The following TMEM242 variants were observed in gnomAD, a reference collection of about 807,000 sequenced individuals.
TMEM242 encodes UPF0463 transmembrane protein C6orf35.
Under a neutral mutation model 18.2 loss-of-function variants are expected in TMEM242, and 10 were observed. That is an observed-to-expected ratio of 0.55 (90% CI 0.34 to 0.93). The LOEUF (loss-of-function observed/expected upper bound fraction) is 0.93, where lower values mean the gene tolerates loss of function less well. TMEM242 is among the 40% of genes least tolerant of loss of function. The probability of loss-of-function intolerance (pLI) is 0.02; values close to 1 mark genes in which losing one functional copy is unlikely to be tolerated. For missense variants in TMEM242, 186 were observed against 175.5 expected (o/e 1.06, Z -0.34); for synonymous variants, 57 against 69.9 (o/e 0.81, Z 0.92).
intron 3 of TMEM242, among the ~76,000 whole-genome samples, chr6:157,315,282 G>A (rs1778368625): frequency 1.3e-5 from 2 of 152,216 alleles, no homozygotes; most frequent in Non-Finnish European, 2.9e-5. Flanking sequence ...AACAGGTAAG[G>A]TTTACCCCTT....
At chr6:157,320,033 G>A (rs1332403028) in intron 2 of TMEM242, among the ~76,000 whole-genome samples, 1 of 152,352 alleles carries the variant, frequency 6.6e-6, no homozygotes, top group East Asian at 1.9e-4. Flanking sequence ...ACCTCCAGGT[G>A]GCAACTGTGA....
At chr6:157,304,462 C>CAAAAAAAAAAAAA (rs782782714) in intron 3 of TMEM242, among the ~76,000 whole-genome samples, 2 of 67,258 alleles carry the variant, frequency 3.0e-5, no homozygotes, top group Non-Finnish European at 5.5e-5. Flanking sequence ...GAGACTCTGT[C>CAAAAAAAAAAAAA]AAAAAAAAAA....
intron 3 of TMEM242, among the ~76,000 whole-genome samples, chr6:157,310,071 T>A (rs1404549396): frequency 6.6e-6 from 1 of 152,212 alleles, no homozygotes; most frequent in African/African-American, 2.4e-5. Flanking sequence ...TTTAGATATT[T>A]AATGTTTCTC....
chr6:157,323,504 A>C lies in TMEM242; in HGVS notation c.-5T>G. On this transcript the variant is annotated 5_prime_UTR_variant, in exon 1 of 4. Transcript: ENST00000400788. Reference sequence around the variant, plus strand: ...TGCAGCGCCCGCTGTCTCCATGTTTAGGTCGCCTCTAGTGCGTCCGTCCCC... The same window carrying C: ...TGCAGCGCCCGCTGTCTCCATGTTTCGGTCGCCTCTAGTGCGTCCGTCCCC... 1.2e-6 allele frequency: 2 copies of C among 1,613,478 alleles called. No homozygotes were observed. The highest frequency in any genetic ancestry group is 1.7e-6 in the Non-Finnish European group (2 of 1,179,640).
intron 3 of TMEM242, among the ~76,000 whole-genome samples, chr6:157,304,896 G>A (rs998020057): frequency 5.3e-5 from 8 of 152,138 alleles, no homozygotes; most frequent in African/African-American, 1.9e-4. Context: ...TAGAGTAAAG[G>A]CCCTAGGCAG....
At chr6:157,298,733 T>C (rs1368562393) in intron 3 of TMEM242, among the ~76,000 whole-genome samples, 2 of 152,176 alleles carry the variant, frequency 1.3e-5, no homozygotes, top group African/African-American at 4.8e-5. Context: ...CTAATGAAAA[T>C]AATCAGAATA....
In TMEM242 at chr6:157,291,173, T is replaced by C. The variant is rs1777678784; in HGVS notation, c.*1728A>G. On this transcript the variant is annotated 3_prime_UTR_variant, in exon 4 of 4. Transcript: ENST00000400788. Reference sequence around the variant, plus strand: ...TAACAATGATTTCTCCTTTTAACACTCCAGACAGGTGGGCAAGTCTCCTTT... The same window carrying C: ...TAACAATGATTTCTCCTTTTAACACCCCAGACAGGTGGGCAAGTCTCCTTT... 6.6e-6 allele frequency: 1 copy of C among 152,250 alleles called. No individual in the cohort carries two copies. The highest frequency in any genetic ancestry group is 2.4e-5 in the African/African-American group (1 of 41,464). The allele number at this position is 152,250 out of a possible 1,614,324, so 9.4% of individuals were successfully genotyped here.
At chr6:157,300,969 A>G (rs1312882196) in intron 3 of TMEM242, among the ~76,000 whole-genome samples, 3 of 152,242 alleles carry the variant, frequency 2.0e-5, no homozygotes, top group African/African-American at 7.2e-5. Context: ...TGGCATCAGT[A>G]TGCCTTATTT....
chr6:157,311,699 TAGCGTCATCATAGTGCCCCAGTGTA>T (rs1554248943), intron 3 of TMEM242, among the ~76,000 whole-genome samples: 3 of 3,324 alleles, frequency 9.0e-4, no homozygotes, highest in Admixed American at 3.7e-3. Context: ...TGCACTGAGC[TAGCGTCATCATAGTGCCCCAGTGTA>T]CACTCATCTA....
At chr6:157,311,243 A>AGT (rs1778067172) in intron 3 of TMEM242, among the ~76,000 whole-genome samples, 2 of 113,186 alleles carry the variant, frequency 1.8e-5, no homozygotes, top group Non-Finnish European at 3.9e-5. Context: ...ATAGTGTCCC[A>AGT]GTGTGCGCTC....
chr6:157,299,814 GA>G lies in TMEM242; in HGVS notation c.328-6816del, dbSNP rs1777802264. On this transcript the variant is annotated intron_variant, in intron 3 of 3. Coordinates refer to ENST00000400788, the MANE Select transcript of TMEM242 (RefSeq NM_018452.6). ...GTTTTCATGAAAGGGCTGCCATGTT[GA>G]AGATCCATTGTCTCACCCTTCAGTT... The G allele has an allele frequency of 1.9e-6, 3 of 1,608,954 alleles. No individual in the cohort carries two copies. The South Asian group carries it at 3.3e-5, about 18-fold the overall frequency.
At chr6:157,317,934 C>T (rs782089132) in intron 3 of TMEM242, among the ~76,000 whole-genome samples, 3 of 152,188 alleles carry the variant, frequency 2.0e-5, no homozygotes, top group Non-Finnish European at 2.9e-5. Flanking sequence ...TCTCACCAGT[C>T]ACGAAGGGTC....
intron 3 of TMEM242, among the ~76,000 whole-genome samples, chr6:157,311,637 C>A (rs1554248899): frequency 7.3e-6 from 1 of 137,746 alleles, no homozygotes; most frequent in East Asian, 2.2e-4. Context: ...CACCTGGCCT[C>A]ATCATAGTGT....
At chr6:157,317,499 C>T (rs1554250454) in intron 3 of TMEM242, among the ~76,000 whole-genome samples, 15 of 152,208 alleles carry the variant, frequency 9.9e-5, no homozygotes. Flanking sequence ...GAGTTCCTTC[C>T]TCAGACCTCT....
chr6:157,290,719 A>T lies in TMEM242; in HGVS notation c.*2182T>A, dbSNP rs1158395557. On this transcript the variant is annotated 3_prime_UTR_variant, in exon 4 of 4. Transcript: ENST00000400788. Reference sequence around the variant, plus strand: ...GAGTCATACTGCTTGTTTTCTTTTTAAATTTCCATCTGTGCATTACTTCAC... The same window carrying T: ...GAGTCATACTGCTTGTTTTCTTTTTTAATTTCCATCTGTGCATTACTTCAC... 1 of 152,222 alleles carries T rather than the reference A, an allele frequency of 6.6e-6. No individual in the cohort carries two copies. The highest frequency in any genetic ancestry group is 1.5e-5 in the Non-Finnish European group (1 of 68,046). The allele number at this position is 152,222 out of a possible 1,614,324, so 9.4% of individuals were successfully genotyped here.
chr6:157,312,729 T>A (rs1209631712), intron 3 of TMEM242, among the ~76,000 whole-genome samples: 11 of 10,610 alleles, frequency 1.0e-3, no homozygotes, highest in Admixed American at 3.0e-3. Context: ...CATCTTACTG[T>A]CCCAGTGTGC....
rs1583559712 is a variant in TMEM242, at chr6:157,305,885, G to C, written c.328-12886C>G. Among the ~76,000 whole-genome samples the C allele has an allele frequency of 6.6e-6, 1 of 152,196 alleles. No individual in the cohort carries two copies. Among genetic ancestry groups the C allele is most frequent in the South Asian group, 2.1e-4 (1 of 4,826 alleles). On this transcript the variant is annotated intron_variant, in intron 3 of 3. Transcript: ENST00000400788. The surrounding 1 kb of genome is among the most constrained non-coding windows in gnomAD (Gnocchi z 4.1). ...GCGCTGGGGCAAGGAGCTGGACTGA[G>C]AGCAGGAAGGGGAGGAAGTGGAGGC...
chr6:157,299,320 G>A, intron 3 of TMEM242: 2 of 880,558 alleles, frequency 2.3e-6, no homozygotes, highest in Non-Finnish European at 3.9e-6. Context: ...ATCACTTGTG[G>A]ACATTTTTCC....
At chr6:157,304,091 T>C (rs1298631273) in intron 3 of TMEM242, among the ~76,000 whole-genome samples, 1 of 152,166 alleles carries the variant, frequency 6.6e-6, no homozygotes, top group Non-Finnish European at 1.5e-5. Flanking sequence ...TAATTTCTGA[T>C]GCAATATAAA....
Sources: allele counts gnomAD v4.1 joint callset (sites outside exome capture counted in the v4.1 genomes callset), GRCh38; gene constraint gnomAD v4.1.1; non-coding constraint Gnocchi (gnomAD v3.1); transcripts MANE v1.5; gene names NCBI Gene and HGNC (gene_info 2026-07-23, HGNC 2026-07-21).